CPN1: variants seen among roughly 807,000 people sequenced by gnomAD.
CPN1 encodes carboxypeptidase N subunit 1.
In CPN1, 37 loss-of-function variants were observed where a neutral mutation model predicts 46.4. That is an observed-to-expected ratio of 0.80 (90% CI 0.61 to 1.05). The LOEUF (loss-of-function observed/expected upper bound fraction) is 1.05. CPN1 is among the 50% of genes least tolerant of loss of function. The probability of loss-of-function intolerance (pLI) is 0.00; values close to 1 mark genes in which losing one functional copy is unlikely to be tolerated. For missense variants in CPN1, 563 were observed against 602.6 expected (o/e 0.93, Z 0.69); for synonymous variants, 224 against 235.4 (o/e 0.95, Z 0.44).
chr10:100,067,262 G>A (rs894112054), intron 3 of CPN1, among the ~76,000 whole-genome samples: 4 of 151,902 alleles, frequency 2.6e-5, no homozygotes, highest in African/African-American at 7.3e-5. Context: ...GATTATAGGC[G>A]CCCACCACCA....
chr10:100,047,357 C>T (rs925295587), intron 8 of CPN1, among the ~76,000 whole-genome samples: 2 of 152,010 alleles, frequency 1.3e-5, no homozygotes, highest in African/African-American at 4.8e-5. Context: ...ATCTGACCTC[C>T]CTTGTTTGAC....
rs762992078 is a variant in CPN1, at chr10:100,081,658, A to G, written c.-33T>C. The G allele has an allele frequency of 1.9e-6, 3 of 1,583,070 alleles. No homozygotes were observed. In the African/African-American group the frequency reaches 4.0e-5, roughly 21 times the overall value. On this transcript the variant is annotated 5_prime_UTR_variant, in exon 1 of 9. Coordinates refer to ENST00000370418, the MANE Select transcript of CPN1 (RefSeq NM_001308.3). The stretch of plus-strand genomic sequence containing the variant: ...GGCTTTTTCAAAGAGAGCCACTGAA[A>G]CGCGCCCCACCTCCTTAAACAACCT...
chr10:100,046,955 T>A (rs955561218), intron 8 of CPN1, among the ~76,000 whole-genome samples: 4 of 151,816 alleles, frequency 2.6e-5, no homozygotes, highest in African/African-American at 9.7e-5. Context: ...ATGCCTGTAA[T>A]CCCAGCTACT....
Position 100,046,810 on chromosome 10 carries a change from A to C in CPN1, c.1230+1948T>G, listed in dbSNP as rs571954732. Among the ~76,000 whole-genome samples the C allele has an allele frequency of 2.0e-5, 3 of 151,788 alleles. No individual in the cohort carries two copies. The South Asian group carries it at 6.2e-4, about 32-fold the overall frequency. ...TAAAAATGGCCGGGTGCGGTGGCTCACGTCTGTAATCCTAGCACTTTGGGA... is the reference window on the plus strand; with the variant it reads ...TAAAAATGGCCGGGTGCGGTGGCTCCCGTCTGTAATCCTAGCACTTTGGGA... On this transcript the variant is annotated intron_variant, in intron 8 of 8. Coordinates refer to ENST00000370418, the MANE Select transcript of CPN1 (RefSeq NM_001308.3).
intron 5 of CPN1, among the ~76,000 whole-genome samples, chr10:100,063,270 G>A (rs987054709): frequency 3.3e-5 from 5 of 151,912 alleles, no homozygotes; most frequent in Non-Finnish European, 5.9e-5. Context: ...ACAGGCGCCC[G>A]CCACCACACC....
intron 2 of CPN1, among the ~76,000 whole-genome samples, chr10:100,073,195 G>C (rs371975661): frequency 6.6e-6 from 1 of 152,088 alleles, no homozygotes; most frequent in Non-Finnish European, 1.5e-5. Flanking sequence ...TCCTACATCA[G>C]TTGTGTTCCA....
At chr10:100,067,116 T>TTTTTGG (rs1466097541) in intron 3 of CPN1, among the ~76,000 whole-genome samples, 2 of 152,174 alleles carry the variant, frequency 1.3e-5, no homozygotes, top group Non-Finnish European at 2.9e-5. Context: ...AGTTCTTTGC[T>TTTTTGG]TTTTGGTTTT....
rs1052243513 is a variant in CPN1, at chr10:100,076,077, A to G, written c.254T>C (p.Met85Thr). 1 of 1,614,218 alleles carries G rather than the reference A, an allele frequency of 6.2e-7. No individual in the cohort carries two copies. The highest frequency in any genetic ancestry group is 8.5e-7 in the Non-Finnish European group (1 of 1,180,044). The change falls in exon 2 of 9, where the codon ATG (methionine) becomes ACG (threonine). Residue 85 changes from methionine to threonine, a missense_variant. Physicochemically the swap from Met to Thr is moderately conservative, Grantham distance 81 (BLOSUM62 -1). Transcript: ENST00000370418. ...LEPEVKYVGN[M>T]HGNEALGREL... is the part of the protein sequence containing the mutation. ...GCGGCCCAACGCTTCGTTGCCGTGC[A>G]TGTTCCCCACATACTTGACCTCTGG...
At chr10:100,057,840 A>T (rs998625854) in intron 5 of CPN1, among the ~76,000 whole-genome samples, 4 of 152,126 alleles carry the variant, frequency 2.6e-5, no homozygotes, top group African/African-American at 9.7e-5. Context: ...TTTCACTGTA[A>T]AGAGATAATG....
In CPN1 at chr10:100,081,830, T is replaced by A; in HGVS notation, c.-205A>T. The A allele has an allele frequency of 1.7e-6, 1 of 590,324 alleles. No individual in the cohort carries two copies. Among genetic ancestry groups the A allele is most frequent in the Non-Finnish European group, 3.1e-6 (1 of 326,622 alleles). 36.6% of individuals were successfully genotyped at this position (590,324 alleles called of 1,614,324 possible). ...TAGCCACTCATCTCTCCTCCCTCACTCCCTTTCTTTCTCTAATCCAGGAAA... is the reference window on the plus strand; with the variant it reads ...TAGCCACTCATCTCTCCTCCCTCACACCCTTTCTTTCTCTAATCCAGGAAA... On this transcript the variant is annotated 5_prime_UTR_variant, in exon 1 of 9. Transcript: ENST00000370418.
intron 6 of CPN1, among the ~76,000 whole-genome samples, chr10:100,055,534 C>A (rs1206693935): frequency 3.3e-5 from 5 of 151,882 alleles, no homozygotes; most frequent in African/African-American, 1.2e-4. Flanking sequence ...AATTTCCTTC[C>A]TTTTTTTGAG....
intron 8 of CPN1, among the ~76,000 whole-genome samples, chr10:100,047,900 G>A (rs1471125433): frequency 6.6e-6 from 1 of 152,208 alleles, no homozygotes; most frequent in Non-Finnish European, 1.5e-5. Flanking sequence ...GCTGAGGCAG[G>A]AGAATCACTT....
intron 7 of CPN1, 26 bp from the exon 8 acceptor site, chr10:100,048,902 G>A (rs779284684): frequency 6.5e-7 from 1 of 1,542,050 alleles, no homozygotes; most frequent in Non-Finnish European, 9.0e-7. Context: ...ATATAACTCA[G>A]TCTACTGATT....
chr10:100,058,891 T>C (rs2041400809), intron 5 of CPN1, among the ~76,000 whole-genome samples: 1 of 152,142 alleles, frequency 6.6e-6, no homozygotes, highest in Non-Finnish European at 1.5e-5. Context: ...CTTGCATATA[T>C]GGTCAAAGCA....
At chr10:100,050,206 T>C (rs986718390) in intron 7 of CPN1, among the ~76,000 whole-genome samples, 1 of 151,952 alleles carries the variant, frequency 6.6e-6, no homozygotes, top group Non-Finnish European at 1.5e-5. Flanking sequence ...ATACGAAAAT[T>C]AGCCAGGCGT....
intron 2 of CPN1, among the ~76,000 whole-genome samples, chr10:100,070,595 G>T (rs2041478406): frequency 6.6e-6 from 1 of 152,106 alleles, no homozygotes; most frequent in South Asian, 2.1e-4. Context: ...TTAATCAAAT[G>T]ATGTAGCATT....
chr10:100,070,965 C>T (rs1008864585), intron 2 of CPN1, among the ~76,000 whole-genome samples: 12 of 152,126 alleles, frequency 7.9e-5, no homozygotes, highest in Admixed American at 3.9e-4. Context: ...TTCATCCTAG[C>T]GTAGGTAATA....
intron 5 of CPN1, among the ~76,000 whole-genome samples, chr10:100,062,426 A>C (rs1030628677): frequency 5.9e-5 from 9 of 151,994 alleles, no homozygotes; most frequent in Non-Finnish European, 8.8e-5. Context: ...ATCTCAGGGG[A>C]ACTGGTTGTG....
chr10:100,070,993 A>G (rs1589478167), intron 2 of CPN1, among the ~76,000 whole-genome samples: 1 of 152,148 alleles, frequency 6.6e-6, no homozygotes, highest in East Asian at 1.9e-4. Flanking sequence ...CTCTCCTTAG[A>G]CTTGCCTCTT....
Sources: gnomAD v4.1 joint callset for allele counts (sites outside exome capture counted in the v4.1 genomes callset) on GRCh38, gnomAD v4.1.1 for gene constraint, MANE v1.5 for transcripts, NCBI Gene and HGNC (gene_info 2026-07-23, HGNC 2026-07-21) for gene names.